LAMA2: variants seen among roughly 807,000 people sequenced by gnomAD.
The protein encoded by LAMA2 is laminin subunit alpha 2.
Under a neutral mutation model 364.8 loss-of-function variants are expected in LAMA2, and 269 were observed. The ratio of observed to expected loss-of-function variants is 0.74; its 90% confidence interval spans 0.67 to 0.82. The LOEUF (loss-of-function observed/expected upper bound fraction) is 0.82, where lower values mean the gene tolerates loss of function less well. Ranked by LOEUF, LAMA2 falls within the 40% of genes least tolerant of loss-of-function variation. LAMA2 has a pLI of 0.00. For missense variants in LAMA2, 3,807 were observed against 3,873.2 expected, an observed-to-expected ratio of 0.98 and a Z score of 0.45; for synonymous variants, 1,379 against 1,370.6, an observed-to-expected ratio of 1.01 and a Z score of -0.14.
chr6:128,961,593 G>T (rs1005424137), intron 1 of LAMA2, among the ~76,000 whole-genome samples: 14 of 148,406 alleles, frequency 9.4e-5, no homozygotes, highest in Non-Finnish European at 2.1e-4. Context: ...TGTAGACTGG[G>T]AGGCTATGCC....
At chr6:129,274,995 A>T (rs965131316) in intron 17 of LAMA2, among the ~76,000 whole-genome samples, 40 of 152,048 alleles carry the variant, frequency 2.6e-4, no homozygotes, top group Admixed American at 7.9e-4. Context: ...CAGAGATAGG[A>T]CCTCAATAAG....
intron 1 of LAMA2, among the ~76,000 whole-genome samples, chr6:129,005,710 A>ATG (rs747533056): frequency 4.0e-4 from 59 of 148,604 alleles, no homozygotes; most frequent in East Asian, 2.6e-3. Flanking sequence ...TGGGGGAAAA[A>ATG]TGTGTGTGTG....
At chr6:129,227,528 G>A (rs944488440) in intron 12 of LAMA2, among the ~76,000 whole-genome samples, 4 of 152,124 alleles carry the variant, frequency 2.6e-5, no homozygotes. Flanking sequence ...CTTTCTATTT[G>A]TTAGTTTTCC....
intron 1 of LAMA2, among the ~76,000 whole-genome samples, chr6:128,944,362 A>C (rs1274984780): frequency 6.6e-6 from 1 of 152,228 alleles, no homozygotes; most frequent in Non-Finnish European, 1.5e-5. Flanking sequence ...GGCCTGATCC[A>C]TCTTCTGTTT....
In LAMA2 at chr6:129,144,081, G is replaced by A. The variant is rs1554226186; in HGVS notation, c.819+1G>A. On this transcript the variant is annotated splice_donor_variant, in intron 5 of 64. Coordinates refer to ENST00000421865, the MANE Select transcript of LAMA2 (RefSeq NM_000426.4). LOFTEE classifies it high-confidence loss of function. ...AATTGACCCCATTGTCACCAGAAGA[G>A]TAAGTTATGATGAATCATATTAGAG... 1 of 1,608,262 alleles carries A rather than the reference G, an allele frequency of 6.2e-7. No homozygotes were observed. Among genetic ancestry groups the A allele is most frequent in the Non-Finnish European group, 8.5e-7 (1 of 1,175,224 alleles).
chr6:129,222,629 G>T (rs559611812), intron 12 of LAMA2, among the ~76,000 whole-genome samples: 1 of 151,968 alleles, frequency 6.6e-6, no homozygotes, highest in Non-Finnish European at 1.5e-5. Flanking sequence ...TGCTGAGAAT[G>T]ATGGTTTCTA....
intron 12 of LAMA2, among the ~76,000 whole-genome samples, chr6:129,202,572 G>A (rs143316875): frequency 3.3e-5 from 5 of 152,122 alleles, no homozygotes; most frequent in African/African-American, 9.7e-5. Flanking sequence ...CCAGCACTGT[G>A]AGCAGTATAT....
intron 22 of LAMA2, 87 bp downstream of exon 22, chr6:129,300,959 T>C: frequency 9.1e-7 from 1 of 1,096,226 alleles, no homozygotes; most frequent in East Asian, 2.3e-5. Flanking sequence ...CAAAATTCAA[T>C]ATTACATCAC....
chr6:129,323,411 T>C (rs574058878), intron 28 of LAMA2, among the ~76,000 whole-genome samples: 1 of 152,328 alleles, frequency 6.6e-6, no homozygotes, highest in South Asian at 2.1e-4. Context: ...TGCTAAAATA[T>C]AGCCAGTTGT....
At chr6:129,023,715 T>C (rs1270873208) in intron 1 of LAMA2, among the ~76,000 whole-genome samples, 1 of 152,240 alleles carries the variant, frequency 6.6e-6, no homozygotes, top group Non-Finnish European at 1.5e-5. Flanking sequence ...TTTACATTGC[T>C]GGAACAGCAC....
chr6:128,920,145 C>T (rs1778597047), intron 1 of LAMA2, among the ~76,000 whole-genome samples: 1 of 151,746 alleles, frequency 6.6e-6, no homozygotes, highest in South Asian at 2.1e-4. Flanking sequence ...TACCAATTTT[C>T]ATGCTCATTT....
intron 12 of LAMA2, among the ~76,000 whole-genome samples, chr6:129,227,904 C>T (rs937818594): frequency 1.1e-4 from 17 of 152,154 alleles, no homozygotes; most frequent in Non-Finnish European, 1.5e-4. Flanking sequence ...GTCTTTTGTT[C>T]GGCTATGTCC....
intron 29 of LAMA2, among the ~76,000 whole-genome samples, chr6:129,335,703 T>G (rs966706074): frequency 1.3e-5 from 2 of 152,176 alleles, no homozygotes; most frequent in African/African-American, 4.8e-5. Flanking sequence ...TAAACCTTAT[T>G]TAATCTACCT....
intron 4 of LAMA2, among the ~76,000 whole-genome samples, chr6:129,109,349 C>T (rs574092717): frequency 2.0e-5 from 3 of 152,048 alleles, no homozygotes; most frequent in Non-Finnish European, 4.4e-5. Flanking sequence ...CAGTTTTTGA[C>T]TACGACTTTA....
Position 129,501,372 on chromosome 6 carries a change from T to C in LAMA2, c.8245-1287T>C, listed in dbSNP as rs145203489. ...AATTTCGGCCACAGTCTGCTCTTTA[T>C]AACTGACCATCTCCTGGGAAGCAAG... On this transcript the variant is annotated intron_variant, in intron 58 of 64. Transcript: ENST00000421865. Among the ~76,000 whole-genome samples, 169 of 152,342 alleles carry C rather than the reference T, an allele frequency of 1.1e-3. 1 individual carries two copies. The highest frequency in any genetic ancestry group is 2.0e-3 in the Non-Finnish European group (137 of 68,036).
intron 6 of LAMA2, 130 bp from the exon 7 acceptor site, chr6:129,148,849 G>A: frequency 1.3e-6 from 1 of 775,384 alleles, no homozygotes; most frequent in East Asian, 2.4e-5. Context: ...TTCTTCCCAG[G>A]CTGGCTAGTT....
rs187613347 is a variant in LAMA2 at position 129,192,613 on chromosome 6, C to A, written c.1609-67C>A. 1.0e-5 allele frequency: 15 copies of A among 1,465,710 alleles called. No homozygotes were observed. The East Asian group carries it at 3.2e-4, about 31-fold the overall frequency. 90.8% of individuals were successfully genotyped at this position (1,465,710 alleles called of 1,614,324 possible). On this transcript the variant is annotated intron_variant, in intron 11 of 64. Transcript: ENST00000421865. Reference sequence around the variant, plus strand: ...TTCCAAAAGTGGACACGACCAGGAACATGAAAGAGAAAAGCAGCTGATAGA... The same window carrying A: ...TTCCAAAAGTGGACACGACCAGGAAAATGAAAGAGAAAAGCAGCTGATAGA...
At position 128,942,078 on chromosome 6, in the gene LAMA2, T is replaced by C. The variant is rs562453717; in HGVS notation, c.112+58721T>C. Among the ~76,000 whole-genome samples the C allele has an allele frequency of 2.0e-4, 31 of 152,262 alleles. 1 individual carries two copies. In the East Asian group the frequency reaches 5.2e-3, roughly 26 times the overall value. ...CCAAGATATATGAGTAAAAGCAAAC[T>C]AAACAACGGAAGCACAAATAGTATG... On this transcript the variant is annotated intron_variant, in intron 1 of 64. Coordinates refer to ENST00000421865, the MANE Select transcript of LAMA2 (RefSeq NM_000426.4).
intron 1 of LAMA2, among the ~76,000 whole-genome samples, chr6:128,980,159 G>T (rs1312803170): frequency 6.6e-6 from 1 of 152,172 alleles, no homozygotes; most frequent in Non-Finnish European, 1.5e-5. Flanking sequence ...ATGAGAAAAG[G>T]CGATAATCAT....
Sources: allele counts gnomAD v4.1 joint callset (sites outside exome capture counted in the v4.1 genomes callset), GRCh38; gene constraint gnomAD v4.1.1; transcripts MANE v1.5; gene names NCBI Gene and HGNC (gene_info 2026-07-23, HGNC 2026-07-21).